Variants in TCF7 observed in about 807,000 individuals in gnomAD.
TCF7 encodes the protein T-cell-factor-7.
Under a neutral mutation model 46.8 loss-of-function variants are expected in TCF7, and 19 were observed. The observed-to-expected ratio is 0.41, with a 90% CI of 0.28 to 0.60. TCF7 has a LOEUF of 0.60. Among genes scored for constraint, TCF7 ranks in the 20% least tolerant of loss-of-function variants. The probability of loss-of-function intolerance (pLI) is 0.35; values close to 1 mark genes in which losing one functional copy is unlikely to be tolerated. For synonymous variants in TCF7, 245 were observed against 213.4 expected (o/e 1.15, Z -1.29); for missense variants, 547 against 504.6 (o/e 1.08, Z -0.81).
At chr5:134,118,759 G>GTTTTTTTGT (rs1756180625) in intron 3 of TCF7, among the ~76,000 whole-genome samples, 1 of 152,004 alleles carries the variant, frequency 6.6e-6, no homozygotes, top group African/African-American at 2.4e-5. Flanking sequence ...AGTAACCAGG[G>GTTTTTTTGT]TTTTTTTGTT....
chr5:134,132,130 G>A (rs370027762), intron 3 of TCF7, among the ~76,000 whole-genome samples: 7 of 152,202 alleles, frequency 4.6e-5, no homozygotes, highest in African/African-American at 1.4e-4. Context: ...TTGCAGTGTC[G>A]TGGGTGTCAT....
At chr5:134,139,230 T>C in intron 5 of TCF7, 192 bp downstream of exon 5, 1 of 799,928 alleles carries the variant, frequency 1.3e-6, no homozygotes. Context: ...CCGGCCTGCA[T>C]TCCCCAGGGA....
chr5:134,115,934 C>A lies in TCF7; in HGVS notation c.342C>A (p.Ser114Arg). Residue 114 changes from serine (S) to arginine (R), a missense_variant, in exon 3 of 10, where the codon AGC becomes AGA. Physicochemically the swap from Ser to Arg is moderately radical, Grantham distance 110. Coordinates refer to ENST00000342854, the MANE Select transcript of TCF7 (RefSeq NM_003202.5). ...EDGLKAPECT[S>R]GMYKETVYSA... The stretch of plus-strand genomic sequence containing the variant: ...GCCTGAAGGCCCCGGAGTGCACCAG[C>A]GGCATGTACAAAGAGACCGTCTACT... The A allele has an allele frequency of 6.2e-7, 1 of 1,613,992 alleles. No homozygotes were observed. The highest frequency in any genetic ancestry group is 1.3e-5 in the African/African-American group (1 of 75,060).
intron 5 of TCF7, chr5:134,139,712 G>A (rs776267551): frequency 1.0e-4 from 16 of 152,516 alleles, no homozygotes; most frequent in South Asian, 4.1e-4. Context: ...TTTGAGCTGC[G>A]CAGGTCTCTA....
chr5:134,109,770 C>CAAAAAAAAAAAAAAAAA (rs59510685), upstream of TCF7, among the ~76,000 whole-genome samples: 14 of 140,306 alleles, frequency 1.0e-4, no homozygotes, highest in Middle Eastern at 3.8e-3. Context: ...GGCTCCATCT[C>CAAAAAAAAAAAAAAAAA]AAAAAAAAAA....
intron 3 of TCF7, 130 bp from the exon 4 acceptor site, chr5:134,137,929 C>G (rs1202184974): frequency 1.5e-6 from 1 of 683,302 alleles, no homozygotes; most frequent in East Asian, 2.9e-5. Flanking sequence ...TGAGTGGTAC[C>G]CCCTTCGCTG....
intron 6 of TCF7, 28 bp downstream of exon 6, chr5:134,142,332 GGT>G (rs781561580): frequency 1.3e-5 from 21 of 1,556,354 alleles, no homozygotes; most frequent in Non-Finnish European, 1.7e-5. Flanking sequence ...GATGGCAGGG[GGT>G]GTGTCAGTCA....
At chr5:134,140,957 A>G in intron 5 of TCF7, 1 of 343,386 alleles carries the variant, frequency 2.9e-6, no homozygotes, top group South Asian at 2.1e-5. Flanking sequence ...ACACAAGGCC[A>G]TGCCCAGGCC....
chr5:134,146,266 C>T lies in TCF7; in HGVS notation c.1118C>T (p.Ala373Val). Residue 373 changes from alanine to valine, a missense_variant, in exon 10 of 10, where the codon GCT becomes GTT. By Grantham distance (64) the Ala-to-Val change is moderately conservative. This residue lies in a region of TCF7 where 90 missense variants were observed against 88.8 expected (regional missense o/e 1.01). Coordinates refer to ENST00000342854, the MANE Select transcript of TCF7 (RefSeq NM_003202.5). ...NAFGTYPEKA[A>V]APAPFLPMTV... ...TTCGGTACTTACCCGGAGAAGGCCG[C>T]TGCCCCAGCCCCGTTCCTTCCGATG... 1 of 1,614,208 alleles carries T rather than the reference C, an allele frequency of 6.2e-7. No homozygotes were observed. Among genetic ancestry groups the T allele is most frequent in the Non-Finnish European group, 8.5e-7 (1 of 1,180,030 alleles).
In TCF7 at chr5:134,114,760, A is replaced by T. The variant is rs1755561752; in HGVS notation, c.-147A>T. On this transcript the variant is annotated 5_prime_UTR_variant, in exon 1 of 10. Coordinates refer to ENST00000342854, the MANE Select transcript of TCF7 (RefSeq NM_003202.5). ...GCCCCGCGCCCTAGCCCGCGCCTGC[A>T]GCCCGCCCAGGCGGAGTCAGCCCGC... 4 of 808,530 alleles carry T rather than the reference A, an allele frequency of 4.9e-6. No individual in the cohort carries two copies. Among genetic ancestry groups the T allele is most frequent in the Non-Finnish European group, 4.5e-6 (3 of 671,802 alleles). The allele number at this position is 808,530 out of a possible 1,614,324, so 50.1% of individuals were successfully genotyped here.
intron 9 of TCF7, 69 bp downstream of exon 9, chr5:134,143,709 G>A: frequency 6.3e-7 from 1 of 1,589,806 alleles, no homozygotes; most frequent in Non-Finnish European, 8.6e-7. Flanking sequence ...GCCCTCCTCT[G>A]ACCCAAAGGG....
chr5:134,124,892 G>A (rs28464141), intron 3 of TCF7, among the ~76,000 whole-genome samples: 2,518 of 152,300 alleles, frequency 0.017, 76 homozygotes, highest in African/African-American at 0.058. Context: ...GCCAGTGGTG[G>A]CAAATCACCT....
At chr5:134,109,783 A>C (rs868427120), upstream of TCF7, among the ~76,000 whole-genome samples, 4 of 67,870 alleles carry the variant, frequency 5.9e-5, no homozygotes, top group African/African-American at 1.9e-4. Flanking sequence ...AAAAAAAAAA[A>C]AAAAAAAAAG....
chr5:134,117,766 A>G (rs763975294), intron 3 of TCF7, among the ~76,000 whole-genome samples: 6 of 152,248 alleles, frequency 3.9e-5, no homozygotes, highest in Non-Finnish European at 5.9e-5. Flanking sequence ...TTCTCAAGCT[A>G]CAGCAGATAC....
At chr5:134,132,218 C>T (rs57404404) in intron 3 of TCF7, among the ~76,000 whole-genome samples, 1 of 152,208 alleles carries the variant, frequency 6.6e-6, no homozygotes, top group Non-Finnish European at 1.5e-5. Flanking sequence ...GTAGTTGTAC[C>T]TAATATCATA....
At chr5:134,118,406 G>A (rs1297437837) in intron 3 of TCF7, among the ~76,000 whole-genome samples, 1 of 152,200 alleles carries the variant, frequency 6.6e-6, no homozygotes, top group African/African-American at 2.4e-5. Flanking sequence ...CACTTATGCT[G>A]AGAGGCTTGA....
At chr5:134,115,465 CG>C (rs1755670720) in intron 2 of TCF7, 78 bp downstream of exon 2, 1 of 1,523,768 alleles carries the variant, frequency 6.6e-7, no homozygotes, top group African/African-American at 1.4e-5. Flanking sequence ...CCAAGGACCG[CG>C]GGGAGCCGGG....
chr5:134,128,413 G>A (rs1438068877), intron 3 of TCF7, among the ~76,000 whole-genome samples: 2 of 151,956 alleles, frequency 1.3e-5, no homozygotes, highest in African/African-American at 2.4e-5. Context: ...GCCTCCAGGA[G>A]CTCCTTTCCA....
Position 134,140,094 on chromosome 5 carries a change from C to T in TCF7, c.635+1056C>T, listed in dbSNP as rs1759509333. 1.3e-5 allele frequency among the ~76,000 whole-genome samples: 2 copies of T among 152,152 alleles called. 1 individual carries two copies. Among genetic ancestry groups the T allele is most frequent in the South Asian group, 4.1e-4 (2 of 4,828 alleles). On this transcript the variant is annotated intron_variant, in intron 5 of 9. Coordinates refer to ENST00000342854, the MANE Select transcript of TCF7 (RefSeq NM_003202.5). ...ACCCACCAAGGCTGTAAGGAGGGGA[C>T]TTCAGGCAGCCCTGTGCTCTCGGCT...
Sources: gnomAD v4.1 joint callset for allele counts (sites outside exome capture counted in the v4.1 genomes callset) on GRCh38, gnomAD v4.1.1 for gene constraint, gnomAD v4.1.1 regional missense constraint, MANE v1.5 for transcripts, NCBI Gene and HGNC (gene_info 2026-07-23, HGNC 2026-07-21) for gene names.